SPG11: variants seen among roughly 807,000 people sequenced by gnomAD.
The protein encoded by SPG11 is spatacsin.
SPG11 carries 222 observed loss-of-function variants against 274.0 expected under a neutral mutation model. That is an observed-to-expected ratio of 0.81 (90% CI 0.73 to 0.91). SPG11 has a LOEUF of 0.91. Among genes scored for constraint, SPG11 ranks in the 40% least tolerant of loss-of-function variants. SPG11 has a pLI of 0.00. For synonymous variants in SPG11, 1,144 were observed against 1,039.7 expected (o/e 1.10, Z -1.93); for missense variants, 3,114 against 2,872.7 (o/e 1.08, Z -1.92).
At chr15:44,576,046 G>A (rs1220835053) in intron 30 of SPG11, among the ~76,000 whole-genome samples, 1 of 150,620 alleles carries the variant, frequency 6.6e-6, no homozygotes, top group Non-Finnish European at 1.5e-5. Flanking sequence ...GGAGGCTGAG[G>A]CAGGAGAATT....
intron 4 of SPG11, among the ~76,000 whole-genome samples, chr15:44,654,160 T>C (rs1006580217): frequency 1.3e-5 from 2 of 152,204 alleles, no homozygotes; most frequent in Non-Finnish European, 2.9e-5. Flanking sequence ...AAGTCAGGTA[T>C]GTCATGAATG....
intron 25 of SPG11, 51 bp downstream of exon 25, chr15:44,596,032 C>T (rs752105465): frequency 1.2e-6 from 2 of 1,608,034 alleles, no homozygotes; most frequent in South Asian, 2.2e-5. Context: ...TCCCTCATTA[C>T]TTATTCTATT....
rs2083034008 is a variant in SPG11 at position 44,596,213 on chromosome 15, T to C, written c.4304A>G (p.Lys1435Arg). ...TTCAAATAAATCGGTCATCTCTTGT[T>C]TGCTTCCTTGAAGTTCCTGGGGGCA... ...NKCPQELQGSKQEMTDLFEIL... is the reference protein window; with the variant it reads ...NKCPQELQGSRQEMTDLFEIL... The change falls in exon 25 of 40, where the codon AAA becomes AGA. Residue 1435 changes from lysine (K) to arginine (R), a missense_variant. Lys to Arg is a conservative substitution (Grantham distance 26). Transcript: ENST00000261866. The C allele has an allele frequency of 3.1e-6, 5 of 1,614,058 alleles. No homozygotes were observed. In the South Asian group the frequency reaches 4.4e-5, roughly 14 times the overall value.
chr15:44,633,568 G>T lies in SPG11; in HGVS notation c.1672C>A (p.Pro558Thr). 6.2e-7 allele frequency: 1 copy of T among 1,612,038 alleles called. No individual in the cohort carries two copies. Among genetic ancestry groups the T allele is most frequent in the Non-Finnish European group, 8.5e-7 (1 of 1,178,496 alleles). The change falls in exon 8 of 40, where the codon CCA becomes ACA. Residue 558 changes from proline to threonine, a missense_variant. Coordinates refer to ENST00000261866, the MANE Select transcript of SPG11 (RefSeq NM_025137.4). Reference sequence around the variant, plus strand: ...TCAGATACAGAAGATTTTGAGGATGGATTAAAAAGATTTTCCTTGCTCTTC... The same window carrying T: ...TCAGATACAGAAGATTTTGAGGATGTATTAAAAAGATTTTCCTTGCTCTTC... ...FLKSKENLFNPSSKSSVSDQF... is the reference protein window; with the variant it reads ...FLKSKENLFNTSSKSSVSDQF...
At chr15:44,625,018 C>T (rs1307184080) in intron 11 of SPG11, among the ~76,000 whole-genome samples, 1 of 151,826 alleles carries the variant, frequency 6.6e-6, no homozygotes, top group East Asian at 1.9e-4. Context: ...TGCTGTAAAC[C>T]CAGCTACTCA....
rs145988629 is a variant in SPG11, at chr15:44,635,286, C to T, written c.1603-1649G>A. 3.3e-4 allele frequency among the ~76,000 whole-genome samples: 50 copies of T among 151,766 alleles called. 1 individual carries two copies. In the East Asian group the frequency reaches 9.6e-3, roughly 29 times the overall value. The stretch of plus-strand genomic sequence containing the variant: ...AAAATATTTACTGTCTGATCCTTTA[C>T]AAAGTTGTTGGGGCACAGTGGCTCA... On this transcript the variant is annotated intron_variant, in intron 7 of 39. Transcript: ENST00000261866.
chr15:44,609,988 T>G (rs1360749272), intron 18 of SPG11, among the ~76,000 whole-genome samples: 2 of 147,648 alleles, frequency 1.4e-5, no homozygotes, highest in African/African-American at 2.5e-5. Context: ...CTGCAACCTC[T>G]GCCCCCTGGG....
At chr15:44,645,914 T>C (rs2084595216) in intron 7 of SPG11, among the ~76,000 whole-genome samples, 1 of 151,960 alleles carries the variant, frequency 6.6e-6, no homozygotes, top group Non-Finnish European at 1.5e-5. Context: ...GAAATGCAAA[T>C]CAAAATCGCA....
At chr15:44,636,947 A>AAAAAAAAAAAC (rs1595909083) in intron 7 of SPG11, among the ~76,000 whole-genome samples, 21 of 131,018 alleles carry the variant, frequency 1.6e-4, no homozygotes, top group African/African-American at 3.3e-4. Flanking sequence ...AAAAAAAAAA[A>AAAAAAAAAAAC]AAAAAAAAAA....
chr15:44,582,408 C>T (rs371814784), intron 30 of SPG11, among the ~76,000 whole-genome samples: 1 of 152,084 alleles, frequency 6.6e-6, no homozygotes, highest in Non-Finnish European at 1.5e-5. Flanking sequence ...AGTAGCCAAG[C>T]GTGGTGGTAC....
At chr15:44,654,676 C>T (rs572189204) in intron 4 of SPG11, among the ~76,000 whole-genome samples, 3 of 152,030 alleles carry the variant, frequency 2.0e-5, no homozygotes, top group Non-Finnish European at 4.4e-5. Context: ...CCCATTTCTA[C>T]TAAAAATACA....
chr15:44,610,958 A>C lies in SPG11; in HGVS notation c.3173T>G (p.Leu1058Arg). The C allele has an allele frequency of 6.2e-7, 1 of 1,614,104 alleles. No homozygotes were observed. Among genetic ancestry groups the C allele is most frequent in the Non-Finnish European group, 8.5e-7 (1 of 1,180,010 alleles). Residue 1058 changes from leucine to arginine, a missense_variant, in exon 18 of 40, where the codon CTT (leucine) becomes CGT (arginine). Leu to Arg is a moderately radical substitution (Grantham distance 102, BLOSUM62 -2). Transcript: ENST00000261866. ...TDPKLIFQAS[L>R]ANAQILIPTN... ...GGGAATCAAAATCTGAGCATTTGCA[A>C]GGCTAGCCTGGAAGATCAGTTTGGG...
At chr15:44,661,636 T>C (rs1316826247) in intron 1 of SPG11, among the ~76,000 whole-genome samples, 1 of 152,128 alleles carries the variant, frequency 6.6e-6, no homozygotes, top group African/African-American at 2.4e-5. Flanking sequence ...GACATTTTTC[T>C]GACTGTTCAT....
chr15:44,614,407 AAAG>A (rs2083539702), intron 16 of SPG11, among the ~76,000 whole-genome samples: 1 of 152,032 alleles, frequency 6.6e-6, no homozygotes, highest in East Asian at 1.9e-4. Context: ...ACTTCTTTGT[AAAG>A]AAGAAGACCC....
chr15:44,650,262 T>C (rs1398542928), intron 6 of SPG11, among the ~76,000 whole-genome samples: 1 of 152,168 alleles, frequency 6.6e-6, no homozygotes, highest in Non-Finnish European at 1.5e-5. Context: ...CTCACGCCTG[T>C]AATCCTAGCA....
intron 19 of SPG11, 70 bp from the exon 20 acceptor site, chr15:44,606,161 GA>G: frequency 5.0e-6 from 7 of 1,400,962 alleles, no homozygotes; most frequent in Non-Finnish European, 7.0e-6. Flanking sequence ...AAAATTATAT[GA>G]AAGGACTTCA....
chr15:44,608,265 GCTTT>G (rs1302825402), intron 19 of SPG11, among the ~76,000 whole-genome samples, 175 bp downstream of exon 19: 2 of 152,096 alleles, frequency 1.3e-5, no homozygotes, highest in African/African-American at 2.4e-5. Flanking sequence ...GGTGATGATG[GCTTT>G]CTATTTTGTT....
chr15:44,652,293 A>G (rs779026821), intron 4 of SPG11, 27 bp from the exon 5 acceptor site: 1 of 1,613,220 alleles, frequency 6.2e-7, no homozygotes, highest in East Asian at 2.2e-5. Flanking sequence ...TGATAGACAT[A>G]TGAAAAAATG....
intron 24 of SPG11, 95 bp downstream of exon 24, chr15:44,596,689 A>G (rs2140973150): frequency 2.0e-6 from 1 of 510,078 alleles, no homozygotes; most frequent in Non-Finnish European, 3.5e-6. Context: ...AAAAAAAAAA[A>G]AGGCCTATGT....
Sources: gnomAD v4.1 joint callset for allele counts (sites outside exome capture counted in the v4.1 genomes callset) on GRCh38, gnomAD v4.1.1 for gene constraint, MANE v1.5 for transcripts, NCBI Gene and HGNC (gene_info 2026-07-23, HGNC 2026-07-21) for gene names.